The following EIF4G1 variants were observed in gnomAD, a reference collection of about 807,000 sequenced individuals.
EIF4G1 encodes eukaryotic translation initiation factor 4 gamma 1.
EIF4G1 carries 4 observed loss-of-function variants against 187.8 expected under a neutral mutation model. The observed-to-expected ratio is 0.02, with a 90% CI of 0.01 to 0.05. The LOEUF is 0.05. Ranked by LOEUF, EIF4G1 falls within the 10% of genes least tolerant of loss-of-function variation. The pLI is 1.00. For synonymous variants in EIF4G1, 844 were observed against 781.4 expected (o/e 1.08, Z -1.34); for missense variants, 1,647 against 2,081.1 (o/e 0.79, Z 4.06).
rs765645340 is a variant in EIF4G1, at chr3:184,325,871, G to A, written c.3142G>A (p.Asp1048Asn). 5 of 1,613,990 alleles carry A rather than the reference G, an allele frequency of 3.1e-6. No homozygotes were observed. The highest frequency in any genetic ancestry group is 4.2e-6 in the Non-Finnish European group (5 of 1,180,026). ...PPISRGLPLV[D>N]DGGWNTVPIS... The stretch of plus-strand genomic sequence containing the variant: ...GTCAGGCCGTGGACTTCCCCTTGTG[G>A]ATGATGGTGGCTGGAACACAGTTCC... The change falls in exon 21 of 33, where the codon GAT (aspartate) becomes AAT (asparagine). Residue 1048 changes from aspartate to asparagine, a missense_variant. This residue lies in a region of EIF4G1 where 142 missense variants were observed against 296.6 expected (regional missense o/e 0.48). Transcript: ENST00000346169. The surrounding 1 kb of genome is among the most constrained non-coding windows in gnomAD (Gnocchi z 5.2).
chr3:184,319,644 G>A (rs767540353), intron 6 of EIF4G1, 45 bp from the exon 7 acceptor site: 7 of 1,258,852 alleles, frequency 5.6e-6, no homozygotes, highest in East Asian at 5.0e-5. Context: ...TATATGGTTG[G>A]GCCCTGACGC....
At position 184,334,291 on chromosome 3, in the gene EIF4G1, A is replaced by G. The variant is rs1417270589; in HGVS notation, c.4619-436A>G. On this transcript the variant is annotated intron_variant, in intron 32 of 32. Transcript: ENST00000346169. This position sits in a 1 kb window ranked among gnomAD's most constrained non-coding sequence, Gnocchi z 5.8. ...TGTATGTACAGGAAATGTGTGGGGA[A>G]GGAAGGGAAATTGAGATCAGGAGTT... 1.3e-5 allele frequency among the ~76,000 whole-genome samples: 2 copies of G among 152,146 alleles called. No homozygotes were observed. The highest frequency in any genetic ancestry group is 4.8e-5 in the African/African-American group (2 of 41,428).
At position 184,335,044 on chromosome 3, in the gene EIF4G1, G is replaced by A. The variant is rs556596071; in HGVS notation, c.*136G>A. On this transcript the variant is annotated 3_prime_UTR_variant, in exon 33 of 33. Transcript: ENST00000346169. ...GTGATGTGTCTGAACTAATAAAGTG[G>A]CTGAAGAGGCAGGATGGCTTGGGGC... 2.4e-6 allele frequency: 3 copies of A among 1,264,922 alleles called. No individual in the cohort carries two copies. The highest frequency in any genetic ancestry group is 3.0e-5 in the African/African-American group (2 of 67,436). 78.4% of individuals were successfully genotyped at this position (1,264,922 alleles called of 1,614,324 possible). A position where few individuals can be genotyped will look rare whatever the true frequency, so the allele number is the denominator to read the frequency against.
At chr3:184,315,408 G>A in intron 1 of EIF4G1, 81 bp from the exon 2 acceptor site, 1 of 538,004 alleles carries the variant, frequency 1.9e-6, no homozygotes, top group South Asian at 1.4e-5. Flanking sequence ...GGAGCCTGGT[G>A]CCAGCGAGAC....
At chr3:184,328,289 G>T in intron 26 of EIF4G1, 1 of 484,968 alleles carries the variant, frequency 2.1e-6, no homozygotes, top group Non-Finnish European at 3.8e-6. Flanking sequence ...CTACTCGGAG[G>T]CTGAGGCAGG....
chr3:184,333,868 G>A (rs1208505094), intron 32 of EIF4G1, among the ~76,000 whole-genome samples: 1 of 152,196 alleles, frequency 6.6e-6, no homozygotes, highest in Non-Finnish European at 1.5e-5. Flanking sequence ...GTGGGTATGT[G>A]TGGGATTTGG....
Position 184,315,533 on chromosome 3 carries a change from C to G in EIF4G1, c.-47C>G, listed in dbSNP as rs1299389352. On this transcript the variant is annotated 5_prime_UTR_variant, in exon 2 of 33. Coordinates refer to ENST00000346169, the MANE Select transcript of EIF4G1 (RefSeq NM_198241.3). The stretch of plus-strand genomic sequence containing the variant: ...CTGTAGGCCGCACCGTGGACTTGTT[C>G]TTAATCGAGGGGGTGAGTGAGGGGT... 1.4e-6 allele frequency: 1 copy of G among 731,942 alleles called. No individual in the cohort carries two copies. The highest frequency in any genetic ancestry group is 2.5e-6 in the Non-Finnish European group (1 of 395,230). 45.3% of individuals were successfully genotyped at this position (731,942 alleles called of 1,614,324 possible). A position where few individuals can be genotyped will look rare whatever the true frequency, so the allele number is the denominator to read the frequency against.
Position 184,321,615 on chromosome 3 carries a change from C to T in EIF4G1, c.1031C>T (p.Pro344Leu), listed in dbSNP as rs1023911582. ...PVPESEFSSS[P>L]LQAPTPLASH... is the part of the protein sequence containing the mutation. ...CCAGAATCTGAGTTTTCTTCCAGTC[C>T]TCTCCAGGCTCCCACCCCTTTGGCA... The change falls in exon 10 of 33, where the codon CCT (proline) becomes CTT (leucine). Residue 344 changes from proline to leucine, a missense_variant. Around this residue, in one of 11 missense-constraint regions of EIF4G1, gnomAD observed 522 missense variants for 485.2 expected, o/e 1.08. Coordinates refer to ENST00000346169, the MANE Select transcript of EIF4G1 (RefSeq NM_198241.3). 5 of 1,613,412 alleles carry T rather than the reference C, an allele frequency of 3.1e-6. No individual in the cohort carries two copies. In the Admixed American group the frequency reaches 5.0e-5, roughly 16 times the overall value.
rs936948608 is a variant in EIF4G1, at chr3:184,328,585, G to T, written c.3954-46G>T. 1.9e-6 allele frequency: 3 copies of T among 1,613,892 alleles called. No homozygotes were observed. In the Admixed American group the frequency reaches 5.0e-5, roughly 27 times the overall value. On this transcript the variant is annotated intron_variant, in intron 26 of 32. Coordinates refer to ENST00000346169, the MANE Select transcript of EIF4G1 (RefSeq NM_198241.3). The stretch of plus-strand genomic sequence containing the variant: ...CATGCCACGTTGCCCCAGAAGGAGA[G>T]TGGGGACCTGGCCTAGAATGTCTTG...
rs1724604139 is a variant in EIF4G1, at chr3:184,325,001, A to G, written c.2743A>G (p.Ile915Val). 1 of 1,614,236 alleles carries G rather than the reference A, an allele frequency of 6.2e-7. No individual in the cohort carries two copies. Among genetic ancestry groups the G allele is most frequent in the Non-Finnish European group, 8.5e-7 (1 of 1,180,042 alleles). The stretch of plus-strand genomic sequence containing the variant: ...CAAACTGAAGATGTTAACAGAGGCA[A>G]TAATGCATGACTGTGTGGTCAAACT... ...LFKLKMLTEA[I>V]MHDCVVKLLK... Residue 915 changes from isoleucine to valine, a missense_variant, in exon 18 of 33, where the codon ATA (isoleucine) becomes GTA (valine). Physicochemically the swap from Ile to Val is conservative, Grantham distance 29. This residue lies in a region of EIF4G1 where 142 missense variants were observed against 296.6 expected (regional missense o/e 0.48). Transcript: ENST00000346169. This position sits in a 1 kb window ranked among gnomAD's most constrained non-coding sequence, Gnocchi z 5.2.
At chr3:184,326,023 A>G in intron 21 of EIF4G1, 72 bp downstream of exon 21, 2 of 1,480,162 alleles carry the variant, frequency 1.4e-6, no homozygotes, top group South Asian at 2.3e-5. Context: ...TCTAAAGTTG[A>G]GAAGGTGACA....
At chr3:184,330,391 G>T (rs1300993421) in intron 28 of EIF4G1, among the ~76,000 whole-genome samples, 5 of 151,942 alleles carry the variant, frequency 3.3e-5, no homozygotes, top group Admixed American at 2.6e-4. Context: ...AATAAAAAAA[G>T]ATATATATCG....
rs1409221775 is a variant in EIF4G1 at position 184,334,261 on chromosome 3, A to C, written c.4619-466A>C. The stretch of plus-strand genomic sequence containing the variant: ...TCCACAAAAGTGTCAAGGCCAGAGA[A>C]GGTGTGTATGTACAGGAAATGTGTG... On this transcript the variant is annotated intron_variant, in intron 32 of 32. Transcript: ENST00000346169. This position sits in a 1 kb window ranked among gnomAD's most constrained non-coding sequence, Gnocchi z 5.8. 6.6e-6 allele frequency among the ~76,000 whole-genome samples: 1 copy of C among 152,118 alleles called. No homozygotes were observed. Among genetic ancestry groups the C allele is most frequent in the African/African-American group, 2.4e-5 (1 of 41,414 alleles).
In EIF4G1 at chr3:184,321,973, G is replaced by A. The variant is rs754665378; in HGVS notation, c.1389G>A (p.Glu463=). 118 of 1,613,780 alleles carry A rather than the reference G, an allele frequency of 7.3e-5. 1 individual carries two copies. In the East Asian group the frequency reaches 2.2e-3, roughly 30 times the overall value. The stretch of plus-strand genomic sequence containing the variant: ...AGGAAATGGAAGAAGAAGAAGAAGA[G>A]GAAGAAGGAGAAGCAGGAGAAGCAG... ...QEEEMEEEEE[E]EEGEAGEAGE... The change falls in exon 10 of 33, where the codon GAG becomes GAA. Residue 463 remains glutamate (E), a synonymous_variant. Coordinates refer to ENST00000346169, the MANE Select transcript of EIF4G1 (RefSeq NM_198241.3).
chr3:184,318,045 T>C (rs1044289478), intron 6 of EIF4G1, among the ~76,000 whole-genome samples: 3 of 152,210 alleles, frequency 2.0e-5, no homozygotes, highest in African/African-American at 7.2e-5. Context: ...TCAGGGAATG[T>C]AGGATCAGGC....
rs377547909 is a variant in EIF4G1, at chr3:184,334,848, A to G, written c.4740A>G (p.Lys1580=). ...AGCAGGGCAAGGGTGTGGCCCTTAA[A>G]TCTGTCACAGCCTTCTTCAAGTGGC... The part of the protein sequence containing the change: ...AEQQGKGVAL[K]SVTAFFKWLR... Residue 1580 remains lysine, a synonymous_variant, in exon 33 of 33, where the codon AAA becomes AAG. Coordinates refer to ENST00000346169, the MANE Select transcript of EIF4G1 (RefSeq NM_198241.3). The surrounding 1 kb of genome is among the most constrained non-coding windows in gnomAD (Gnocchi z 5.8). 7 of 1,614,182 alleles carry G rather than the reference A, an allele frequency of 4.3e-6. No individual in the cohort carries two copies. The highest frequency in any genetic ancestry group is 2.2e-5 in the East Asian group (1 of 44,892).
Position 184,335,233 on chromosome 3 carries a change from C to T in EIF4G1, c.*325C>T, listed in dbSNP as rs910546318. 8.9e-6 allele frequency: 3 copies of T among 337,784 alleles called. No individual in the cohort carries two copies. Among genetic ancestry groups the T allele is most frequent in the Admixed American group, 4.3e-5 (1 of 23,208 alleles). The allele number at this position is 337,784 out of a possible 1,614,324, so 20.9% of individuals were successfully genotyped here. ...TTTTTTATTTTCTGAAAATCACTCTCGGGACTGCCGTCCTCGCTGCTGGGG... is the reference window on the plus strand; with the variant it reads ...TTTTTTATTTTCTGAAAATCACTCTTGGGACTGCCGTCCTCGCTGCTGGGG... On this transcript the variant is annotated 3_prime_UTR_variant, in exon 33 of 33. Coordinates refer to ENST00000346169, the MANE Select transcript of EIF4G1 (RefSeq NM_198241.3).
chr3:184,331,996 C>T lies in EIF4G1; in HGVS notation c.4528C>T (p.Leu1510=). The T allele has an allele frequency of 2.5e-6, 4 of 1,614,206 alleles. No homozygotes were observed. The highest frequency in any genetic ancestry group is 3.4e-6 in the Non-Finnish European group (4 of 1,180,042). ...DVAVLKARAK[L]LQKYLCDEQK... ...TGCAGTGCTGAAAGCGCGAGCGAAGCTGCTGCAGAAATACCTGTGTGACGA... is the reference window on the plus strand; with the variant it reads ...TGCAGTGCTGAAAGCGCGAGCGAAGTTGCTGCAGAAATACCTGTGTGACGA... Residue 1510 remains leucine, a synonymous_variant, in exon 32 of 33, where the codon CTG becomes TTG. Coordinates refer to ENST00000346169, the MANE Select transcript of EIF4G1 (RefSeq NM_198241.3).
At chr3:184,333,923 A>G (rs759907368) in intron 32 of EIF4G1, among the ~76,000 whole-genome samples, 6 of 152,084 alleles carry the variant, frequency 3.9e-5, no homozygotes, top group Non-Finnish European at 8.8e-5. Flanking sequence ...GCTATGGCCC[A>G]TTGCTATGGG....
Sources: allele counts gnomAD v4.1 joint callset (sites outside exome capture counted in the v4.1 genomes callset), GRCh38; gene constraint gnomAD v4.1.1; regional missense constraint gnomAD v4.1.1; non-coding constraint Gnocchi (gnomAD v3.1); transcripts MANE v1.5; gene names NCBI Gene and HGNC (gene_info 2026-07-23, HGNC 2026-07-21).